Variants in MAST4 observed in about 807,000 individuals in gnomAD.
MAST4 encodes microtubule-associated serine/threonine-protein kinase 4.
In MAST4, 89 loss-of-function variants were observed where a neutral mutation model predicts 162.7. The observed-to-expected ratio is 0.55, with a 90% confidence interval of 0.46 to 0.65. The LOEUF (loss-of-function observed/expected upper bound fraction) is 0.65, where lower values mean the gene tolerates loss of function less well. Ranked by LOEUF, MAST4 falls within the 30% of genes least tolerant of loss-of-function variation. The pLI, the probability that MAST4 is intolerant of heterozygous loss-of-function variation, is 0.00. For missense variants in MAST4, 3,153 were observed against 3,374.0 expected (o/e 0.93, Z 1.62); for synonymous variants, 1,479 against 1,361.1 (o/e 1.09, Z -1.91).
At position 66,889,531 on chromosome 5, in the gene MAST4, T is replaced by C. The variant is rs112544233; in HGVS notation, c.643-10420T>C. ...TACTGATTAATAGCAGGGTGTGTGA[T>C]TTCACTGAAGTCTAATTTGCTTCGA... On this transcript the variant is annotated intron_variant, in intron 3 of 28. Coordinates refer to ENST00000403625, the MANE Select transcript of MAST4 (RefSeq NM_001164664.2). Among the ~76,000 whole-genome samples the C allele has an allele frequency of 7.6e-3, 1,164 of 152,322 alleles. 20 individuals are homozygous for C. The highest frequency in any genetic ancestry group is 0.026 in the African/African-American group (1,101 of 41,566).
Position 67,118,717 on chromosome 5 carries a change from GCAGAAACAC to G in MAST4, c.1636_1644del (p.Pro546_Thr548del), listed in dbSNP as rs774542182. On this transcript the variant is annotated inframe_deletion, in exon 13 of 29. Coordinates refer to ENST00000403625, the MANE Select transcript of MAST4 (RefSeq NM_001164664.2). ...TTTGGGAAACTACGATAGTGGGACA[GCAGAAACAC>G]CAGAAACAGATGAATCAGTGAGTGT... 55 of 1,577,838 alleles carry G rather than the reference GCAGAAACAC, an allele frequency of 3.5e-5. No individual in the cohort carries two copies. The highest frequency in any genetic ancestry group is 4.1e-5 in the Non-Finnish European group (47 of 1,158,660).
chr5:66,635,519 A>G (rs556632210), intron 1 of MAST4, among the ~76,000 whole-genome samples: 126 of 152,318 alleles, frequency 8.3e-4, no homozygotes, highest in Non-Finnish European at 1.5e-3. Context: ...TTGGGGCAGA[A>G]ATTAGTATAG....
intron 1 of MAST4, among the ~76,000 whole-genome samples, chr5:66,734,234 T>C (rs1011081311): frequency 2.6e-5 from 4 of 152,188 alleles, no homozygotes; most frequent in Non-Finnish European, 5.9e-5. Context: ...CCAAATTAGA[T>C]TGCAGACTTT....
chr5:66,602,289 G>C (rs1311495335), intron 1 of MAST4, among the ~76,000 whole-genome samples: 1 of 152,152 alleles, frequency 6.6e-6, no homozygotes, highest in Non-Finnish European at 1.5e-5. Flanking sequence ...CTGTTGACAG[G>C]AAGTGTGGTG....
chr5:67,157,848 G>A (rs554106357), intron 26 of MAST4, among the ~76,000 whole-genome samples: 5 of 152,166 alleles, frequency 3.3e-5, no homozygotes, highest in East Asian at 1.9e-4. Flanking sequence ...AACAAACAAC[G>A]CTTACGACTT....
chr5:66,746,742 A>G (rs1752782653), intron 1 of MAST4, among the ~76,000 whole-genome samples: 1 of 152,210 alleles, frequency 6.6e-6, no homozygotes, highest in Admixed American at 6.5e-5. Context: ...AAACAACTTC[A>G]GGCATAGATC....
intron 4 of MAST4, among the ~76,000 whole-genome samples, chr5:67,000,810 A>G (rs992704838): frequency 1.3e-5 from 2 of 152,064 alleles, no homozygotes; most frequent in Non-Finnish European, 2.9e-5. Flanking sequence ...TCAAGTCAGT[A>G]AAAAGGACCT....
At chr5:67,058,108 G>A (rs777820251) in intron 5 of MAST4, among the ~76,000 whole-genome samples, 2 of 152,040 alleles carry the variant, frequency 1.3e-5, no homozygotes, top group Non-Finnish European at 2.9e-5. Context: ...GGTGGCACAT[G>A]CCTGTGGTCC....
chr5:66,752,202 A>G (rs1580365884), intron 1 of MAST4, among the ~76,000 whole-genome samples: 1 of 152,228 alleles, frequency 6.6e-6, no homozygotes, highest in East Asian at 1.9e-4. Context: ...GGCAAAATGT[A>G]AAGACCGTCA....
chr5:66,865,250 A>G (rs763721466), intron 3 of MAST4, among the ~76,000 whole-genome samples: 21 of 152,242 alleles, frequency 1.4e-4, no homozygotes, highest in Non-Finnish European at 8.8e-5. Context: ...TGACAGAGTC[A>G]TACATGCCAG....
intron 4 of MAST4, among the ~76,000 whole-genome samples, chr5:66,976,016 C>T (rs1013110742): frequency 3.9e-5 from 6 of 152,066 alleles, no homozygotes; most frequent in Non-Finnish European, 5.9e-5. Context: ...TGCTGTTTAA[C>T]TTTCCAGGTG....
rs779597937 is a variant in MAST4, at chr5:67,152,741, G to C, written c.3400G>C (p.Ala1134Pro). 1.9e-6 allele frequency: 3 copies of C among 1,614,064 alleles called. No homozygotes were observed. Among genetic ancestry groups the C allele is most frequent in the South Asian group, 1.1e-5 (1 of 91,088 alleles). The change falls in exon 25 of 29, where the codon GCT becomes CCT. Residue 1134 changes from alanine to proline, a missense_variant. This residue lies in a region of MAST4 where 619 missense variants were observed against 744.2 expected (regional missense o/e 0.83). Coordinates refer to ENST00000403625, the MANE Select transcript of MAST4 (RefSeq NM_001164664.2). ...CTCTCCCAGCCGAGATTCCTCAGCA[G>C]CTTCTGCCAGTCCACATCAGCCGAT... ...DSSPSRDSSA[A>P]SASPHQPIVI...
At chr5:67,042,822 CT>C (rs1756927254) in intron 4 of MAST4, among the ~76,000 whole-genome samples, 1 of 152,194 alleles carries the variant, frequency 6.6e-6, no homozygotes, top group Non-Finnish European at 1.5e-5. Context: ...AAGACACTGG[CT>C]TTTTGCCACA....
At chr5:66,636,170 A>T (rs1003087147) in intron 1 of MAST4, among the ~76,000 whole-genome samples, 2 of 151,840 alleles carry the variant, frequency 1.3e-5, no homozygotes, top group Non-Finnish European at 2.9e-5. Flanking sequence ...GTTAGCCAGG[A>T]TGGTCTTGGT....
At chr5:67,061,598 T>C (rs930633678) in intron 5 of MAST4, among the ~76,000 whole-genome samples, 4 of 152,040 alleles carry the variant, frequency 2.6e-5, no homozygotes, top group African/African-American at 4.8e-5. Context: ...TTTTTATTCT[T>C]CTGATTTCTT....
intron 14 of MAST4, among the ~76,000 whole-genome samples, chr5:67,123,702 AC>A (rs1422485946): frequency 6.6e-6 from 1 of 152,220 alleles, no homozygotes; most frequent in East Asian, 1.9e-4. Flanking sequence ...TTAAGTCATA[AC>A]TTCAAATGTT....
chr5:67,006,596 T>C, intron 4 of MAST4, among the ~76,000 whole-genome samples: 1 of 152,212 alleles, frequency 6.6e-6, no homozygotes, highest in Non-Finnish European at 1.5e-5. Context: ...CTGGAACCAG[T>C]TCTTAGGGAG....
At chr5:66,603,472 G>A (rs1742678299) in intron 1 of MAST4, among the ~76,000 whole-genome samples, 1 of 152,144 alleles carries the variant, frequency 6.6e-6, no homozygotes, top group Non-Finnish European at 1.5e-5. Flanking sequence ...TAATGATTTG[G>A]GGGATGAGAA....
chr5:66,935,284 G>A (rs1016382415), intron 4 of MAST4, among the ~76,000 whole-genome samples: 5 of 152,158 alleles, frequency 3.3e-5, no homozygotes, highest in African/African-American at 9.7e-5. Flanking sequence ...GCGGTTAGTC[G>A]TTAGATTTTG....
Sources: gnomAD v4.1 joint callset for allele counts (sites outside exome capture counted in the v4.1 genomes callset) on GRCh38, gnomAD v4.1.1 for gene constraint, gnomAD v4.1.1 regional missense constraint, MANE v1.5 for transcripts, NCBI Gene and HGNC (gene_info 2026-07-23, HGNC 2026-07-21) for gene names.